The following SPTBN5 variants were observed in gnomAD, a reference collection of about 807,000 sequenced individuals.
The protein encoded by SPTBN5 is spectrin beta chain, non-erythrocytic 5.
Under a neutral mutation model 477.6 loss-of-function variants are expected in SPTBN5, and 513 were observed. The observed-to-expected ratio is 1.07, with a 90% CI of 1.00 to 1.16. The LOEUF is 1.16. Ranked by LOEUF, SPTBN5 falls within the 50% of genes most tolerant of loss-of-function variation. SPTBN5 has a pLI of 0.00. For synonymous variants in SPTBN5, 2,169 were observed against 2,011.7 expected (o/e 1.08, Z -2.09); for missense variants, 5,062 against 4,731.8 (o/e 1.07, Z -2.05).
chr15:41,868,514 T>C lies in SPTBN5; in HGVS notation c.5941A>G (p.Lys1981Glu). 2.5e-6 allele frequency: 4 copies of C among 1,610,210 alleles called. No individual in the cohort carries two copies. Among genetic ancestry groups the C allele is most frequent in the Non-Finnish European group, 3.4e-6 (4 of 1,179,752 alleles). ...CGGAGCCACTGGTGGGCACTGAGCT[T>C]CAGCGGGCCACTGCTAGGCTCTTGC... ...SSQEPSSGPL[K>E]LSAHQWLRAE... The change falls in exon 33 of 68, where the codon AAG becomes GAG. Residue 1981 changes from lysine to glutamate, a missense_variant. Lys to Glu is a moderately conservative substitution (Grantham distance 56, BLOSUM62 1). Transcript: ENST00000320955.
chr15:41,852,769 T>TTG, intron 60 of SPTBN5, 34 bp from the exon 61 acceptor site: 1 of 1,272,806 alleles, frequency 7.9e-7, no homozygotes, highest in Non-Finnish European at 1.1e-6. Flanking sequence ...ACGCCCAGCT[T>TTG]GGGGGGGGGG....
chr15:41,876,375 CCT>C (rs1445143289), intron 20 of SPTBN5, 91 bp from the exon 21 acceptor site: 36 of 1,448,300 alleles, frequency 2.5e-5, no homozygotes, highest in African/African-American at 2.8e-5. Flanking sequence ...GGCCACAGCC[CCT>C]GTTTTCCTCC....
rs1344746166 is a variant in SPTBN5, at chr15:41,875,600, C to A, written c.4145G>T (p.Arg1382Met). 1 of 1,596,360 alleles carries A rather than the reference C, an allele frequency of 6.3e-7. No homozygotes were observed. Among genetic ancestry groups the A allele is most frequent in the Non-Finnish European group, 8.5e-7 (1 of 1,171,422 alleles). Residue 1382 changes from arginine to methionine, a missense_variant, in exon 22 of 68, where the codon AGG becomes ATG. Transcript: ENST00000320955. ...TATGTCCTCCTGGCCACAGGGCCTCCTACTCAACAGCTCTCTCCCAACCTG... is the reference window on the plus strand; with the variant it reads ...TATGTCCTCCTGGCCACAGGGCCTCATACTCAACAGCTCTCTCCCAACCTG... Reference protein sequence around the residue: ...LQQVGRELLSRRPCGQEDIQT... With the variant: ...LQQVGRELLSMRPCGQEDIQT...
Position 41,883,069 on chromosome 15 carries a change from C to A in SPTBN5, c.1819G>T (p.Val607Leu). ...AELDSSLGTS[V>L]EVLQAKARTL... The stretch of plus-strand genomic sequence containing the variant: ...CTGGCCTTGGCCTGCAGCACCTCCA[C>A]ACTGGTGCCCAGGGAGGAGTCCAGC... Residue 607 changes from valine to leucine, a missense_variant, in exon 9 of 68, where the codon GTG (valine) becomes TTG (leucine). Coordinates refer to ENST00000320955, the MANE Select transcript of SPTBN5 (RefSeq NM_016642.4). 1 of 1,589,396 alleles carries A rather than the reference C, an allele frequency of 6.3e-7. No individual in the cohort carries two copies. Among genetic ancestry groups the A allele is most frequent in the Non-Finnish European group, 8.6e-7 (1 of 1,168,378 alleles).
At chr15:41,878,741 A>G in intron 16 of SPTBN5, 112 bp from the exon 17 acceptor site, 1 of 1,191,960 alleles carries the variant, frequency 8.4e-7, no homozygotes. Context: ...CTGACTCTCA[A>G]TGCCCACCCC....
intron 56 of SPTBN5, among the ~76,000 whole-genome samples, 154 bp from the exon 57 acceptor site, chr15:41,854,359 A>G (rs2065869266): frequency 7.3e-6 from 1 of 136,372 alleles, no homozygotes; most frequent in African/African-American, 2.7e-5. Flanking sequence ...TCCATGCTGC[A>G]GCCCTCAGTG....
chr15:41,878,752 A>T, intron 16 of SPTBN5, 123 bp from the exon 17 acceptor site: 1 of 1,106,864 alleles, frequency 9.0e-7, no homozygotes, highest in Non-Finnish European at 1.3e-6. Flanking sequence ...TGCCCACCCC[A>T]CCCTTGACCT....
chr15:41,850,621 C>G, intron 66 of SPTBN5: 1 of 559,112 alleles, frequency 1.8e-6, no homozygotes, highest in Non-Finnish European at 3.2e-6. Context: ...GACCAGGACA[C>G]AGCTGGGGGT....
At chr15:41,881,383 GC>G (rs2066946873) in intron 12 of SPTBN5, 149 bp from the exon 13 acceptor site, 1 of 648,448 alleles carries the variant, frequency 1.5e-6, no homozygotes, top group Non-Finnish European at 2.6e-6. Context: ...GGGACAGGAA[GC>G]TTCCTTGGGG....
chr15:41,851,831 G>A lies in SPTBN5; in HGVS notation c.10604C>T (p.Thr3535Ile), dbSNP rs951842861. 1.1e-5 allele frequency: 17 copies of A among 1,610,720 alleles called. No homozygotes were observed. The highest frequency in any genetic ancestry group is 1.0e-5 in the Non-Finnish European group (12 of 1,179,438). Residue 3535 changes from threonine to isoleucine, a missense_variant, in exon 63 of 68, where the codon ACC (threonine) becomes ATC (isoleucine). Transcript: ENST00000320955. ...CTTGAACTCCAAAGACCCCTCCATG[G>A]TGGGGGTACCCTTTGCATCCTGAAA... is the stretch of plus-strand genomic sequence containing the variant. ...RDPQDAKGTPTMEGSLEFKQH... is the reference protein window; with the variant it reads ...RDPQDAKGTPIMEGSLEFKQH...
At position 41,893,503 on chromosome 15, in the gene SPTBN5, C is replaced by G. The variant is rs1277260941; in HGVS notation, c.-6G>C. The G allele has an allele frequency of 6.4e-7, 1 of 1,567,448 alleles. No individual in the cohort carries two copies. The highest frequency in any genetic ancestry group is 8.6e-7 in the Non-Finnish European group (1 of 1,161,120). ...CTGTGGGGCTGACCAGCCATCAGCC[C>G]TGCAGACTTTGGGGATGAGGAGCTG... On this transcript the variant is annotated 5_prime_UTR_variant, in exon 2 of 68. Transcript: ENST00000320955.
chr15:41,853,364 T>C lies in SPTBN5; in HGVS notation c.10064A>G (p.Gln3355Arg), dbSNP rs764943581. ...GATTTCTTGCCCCAGCTCTTCATGCTGCCCAAGGAGCTGCTCAGCCCCCGC... is the reference window on the plus strand; with the variant it reads ...GATTTCTTGCCCCAGCTCTTCATGCCGCCCAAGGAGCTGCTCAGCCCCCGC... ...DVAGAEQLLG[Q>R]HEELGQEIRE... Residue 3355 changes from glutamine to arginine, a missense_variant, in exon 59 of 68, where the codon CAG becomes CGG. By Grantham distance (43) the Gln-to-Arg change is conservative (BLOSUM62 1). Transcript: ENST00000320955. 10 of 1,612,228 alleles carry C rather than the reference T, an allele frequency of 6.2e-6. No individual in the cohort carries two copies. Among genetic ancestry groups the C allele is most frequent in the Non-Finnish European group, 8.5e-6 (10 of 1,179,316 alleles).
chr15:41,867,162 C>A lies in SPTBN5; in HGVS notation c.6313-36G>T, dbSNP rs1175565729. The A allele has an allele frequency of 3.3e-6, 5 of 1,503,162 alleles. No individual in the cohort carries two copies. In the African/African-American group the frequency reaches 4.2e-5, roughly 12 times the overall value. The allele number at this position is 1,503,162 out of a possible 1,614,324, so 93.1% of individuals were successfully genotyped here. A position where few individuals can be genotyped will look rare whatever the true frequency, so the allele number is the denominator to read the frequency against. On this transcript the variant is annotated intron_variant, in intron 35 of 67. Coordinates refer to ENST00000320955, the MANE Select transcript of SPTBN5 (RefSeq NM_016642.4). ...GGGGCACAGCTGCTGCTCTCCCACCCTGGGCTGGGGCAGGGCCTGGCCTGC... is the reference window on the plus strand; with the variant it reads ...GGGGCACAGCTGCTGCTCTCCCACCATGGGCTGGGGCAGGGCCTGGCCTGC...
chr15:41,885,845 G>T lies in SPTBN5; in HGVS notation c.1410C>A (p.Gly470=). 1 of 1,563,874 alleles carries T rather than the reference G, an allele frequency of 6.4e-7. No individual in the cohort carries two copies. The highest frequency in any genetic ancestry group is 8.7e-7 in the Non-Finnish European group (1 of 1,154,596). The change falls in exon 7 of 68, where the codon GGC becomes GGA. Residue 470 remains glycine, a synonymous_variant. Transcript: ENST00000320955. The part of the protein sequence containing the change: ...ATVEAAVQRL[G]MLEAGILPQE... ...GGGGCAGGATGCCAGCCTCCAGCAT[G>T]CCCAGCCTCTGGACGGCTGCCTCCA...
rs1476301263 is a variant in SPTBN5 at position 41,866,223 on chromosome 15, C to T, written c.6637G>A (p.Glu2213Lys). Reference sequence around the variant, plus strand: ...GGGTGACTCTGTGCCAGGAGAGCCTCTCCCTTCTGGAGGGAGAGAGGGGAC... The same window carrying T: ...GGGTGACTCTGTGCCAGGAGAGCCTTTCCCTTCTGGAGGGAGAGAGGGGAC... ...EVMTSVAKKG[E>K]ALLAQSHPRA... Residue 2213 changes from glutamate (E) to lysine (K), a missense_variant, in exon 38 of 68, where the codon GAG (glutamate) becomes AAG (lysine). Transcript: ENST00000320955. The T allele has an allele frequency of 6.3e-7, 1 of 1,593,076 alleles. No homozygotes were observed. Among genetic ancestry groups the T allele is most frequent in the East Asian group, 2.2e-5 (1 of 44,512 alleles).
Position 41,876,656 on chromosome 15 carries a change from CGGGG to C in SPTBN5, c.3852-13_3852-10del. The stretch of plus-strand genomic sequence containing the variant: ...GCAGCTGCTCTCTGACCCTGGAGGG[CGGGG>C]GGGGGTTGGAGGAGGGCATGGGAGA... On this transcript the variant is annotated splice_polypyrimidine_tract_variant and intron_variant, in intron 19 of 67. Coordinates refer to ENST00000320955, the MANE Select transcript of SPTBN5 (RefSeq NM_016642.4). The C allele has an allele frequency of 1.4e-6, 1 of 703,362 alleles. No homozygotes were observed. The highest frequency in any genetic ancestry group is 2.2e-6 in the Non-Finnish European group (1 of 455,586). 43.6% of individuals were successfully genotyped at this position (703,362 alleles called of 1,614,324 possible).
At chr15:41,860,196 G>A (rs1003262002) in intron 47 of SPTBN5, among the ~76,000 whole-genome samples, 3 of 152,210 alleles carry the variant, frequency 2.0e-5, no homozygotes, top group Admixed American at 6.5e-5. Context: ...GCCGAGAGGA[G>A]GAACTTGTCT....
Position 41,855,687 on chromosome 15 carries a change from A to T in SPTBN5, c.9080T>A (p.Met3027Lys). 6.2e-7 allele frequency: 1 copy of T among 1,602,936 alleles called. No homozygotes were observed. The highest frequency in any genetic ancestry group is 8.5e-7 in the Non-Finnish European group (1 of 1,176,930). The change falls in exon 54 of 68, where the codon ATG becomes AAG. Residue 3027 changes from methionine to lysine, a missense_variant. Coordinates refer to ENST00000320955, the MANE Select transcript of SPTBN5 (RefSeq NM_016642.4). ...CTGTGTGGCTTCAGCACTGTGGCCC[A>T]TGTCCTCGCTGTCCAGGACATGGCC... ...ERGHVLDSEDMGHSAEATQAL... is the reference protein window; with the variant it reads ...ERGHVLDSEDKGHSAEATQAL...
Position 41,874,992 on chromosome 15 carries a change from A to G in SPTBN5, c.4352T>C (p.Leu1451Pro), listed in dbSNP as rs749798028. The change falls in exon 23 of 68, where the codon CTG becomes CCG. Residue 1451 changes from leucine (L) to proline (P), a missense_variant. Physicochemically the swap from Leu to Pro is moderately conservative, Grantham distance 98 (BLOSUM62 -3). Coordinates refer to ENST00000320955, the MANE Select transcript of SPTBN5 (RefSeq NM_016642.4). ...TTTCTGCAGCCTCTGGCTGGAGCGC[A>G]GGTCCTGCCCTGTTTCCGAGCTCTG... Reference protein sequence around the residue: ...ALQSSETGQDLRSSQRLQKRH... With the variant: ...ALQSSETGQDPRSSQRLQKRH... The G allele has an allele frequency of 1.2e-6, 2 of 1,613,572 alleles. No homozygotes were observed. The highest frequency in any genetic ancestry group is 1.3e-5 in the African/African-American group (1 of 74,930).
Sources: allele counts gnomAD v4.1 joint callset (sites outside exome capture counted in the v4.1 genomes callset), GRCh38; gene constraint gnomAD v4.1.1; transcripts MANE v1.5; gene names NCBI Gene and HGNC (gene_info 2026-07-23, HGNC 2026-07-21).